POTEB3: variants seen among roughly 807,000 people sequenced by gnomAD.
POTEB3 encodes ANKRD26-like family B member 1.
In POTEB3, 5 loss-of-function variants were observed where a neutral mutation model predicts 39.8. The observed-to-expected ratio is 0.13, with a 90% CI of 0.07 to 0.26. The LOEUF is 0.26. POTEB3 is among the 10% of genes least tolerant of loss of function. The pLI, the probability that POTEB3 is intolerant of heterozygous loss-of-function variation, is 1.00. For missense variants in POTEB3, 24 were observed against 475.6 expected (o/e 0.05, Z 8.83); for synonymous variants, 5 against 161.5 (o/e 0.03, Z 7.35).
chr15:21,419,424 G>A, intron 9 of POTEB3, 40 bp downstream of exon 9: 1 of 701,640 alleles, frequency 1.4e-6, no homozygotes, highest in Non-Finnish European at 1.9e-6. Flanking sequence ...CCCAAATTAG[G>A]ATTAGTTTGA....
intron 3 of POTEB3, among the ~76,000 whole-genome samples, chr15:21,433,555 T>C (rs1899061068): frequency 6.6e-6 from 1 of 150,648 alleles, no homozygotes; most frequent in Non-Finnish European, 1.5e-5. Flanking sequence ...TTCAGTCTCA[T>C]CTCTCATCAC....
At chr15:21,422,851 A>T (rs2141352582) in intron 6 of POTEB3, among the ~76,000 whole-genome samples, 1 of 151,054 alleles carries the variant, frequency 6.6e-6, no homozygotes, top group Non-Finnish European at 1.5e-5. Flanking sequence ...TGCTTCTATA[A>T]GTTTGCCTAT....
chr15:21,434,139 G>A (rs1447909069), intron 3 of POTEB3, among the ~76,000 whole-genome samples: 3 of 141,748 alleles, frequency 2.1e-5, no homozygotes, highest in African/African-American at 5.5e-5. Flanking sequence ...GTTGGCCTTG[G>A]TATTTCTGAT....
intron 5 of POTEB3, among the ~76,000 whole-genome samples, chr15:21,428,169 A>AT (rs1898803458): frequency 2.3e-5 from 3 of 132,062 alleles, no homozygotes; most frequent in South Asian, 2.3e-4. Flanking sequence ...ACAAGGTAAC[A>AT]TTTTTTAAAT....
At chr15:21,433,295 C>T (rs1258030166) in intron 3 of POTEB3, among the ~76,000 whole-genome samples, 1 of 150,716 alleles carries the variant, frequency 6.6e-6, no homozygotes, top group Non-Finnish European at 1.5e-5. Flanking sequence ...ATTATGTTGA[C>T]CAGGCTAGAG....
intron 3 of POTEB3, among the ~76,000 whole-genome samples, chr15:21,433,862 A>G (rs1289568743): frequency 1.3e-5 from 2 of 151,382 alleles, no homozygotes; most frequent in Non-Finnish European, 2.9e-5. Context: ...CCACTACATT[A>G]CCACATATTC....
At chr15:21,426,781 A>C (rs1252432079) in intron 6 of POTEB3, among the ~76,000 whole-genome samples, 2 of 112,824 alleles carry the variant, frequency 1.8e-5, no homozygotes, top group African/African-American at 7.7e-5. Flanking sequence ...GTGGCATACT[A>C]GTATTTTTGT....
At chr15:21,424,910 A>AT (rs1171394330) in intron 6 of POTEB3, 1 of 146,848 alleles carries the variant, frequency 6.8e-6, no homozygotes, top group Non-Finnish European at 1.5e-5. Context: ...AATGGCTTTT[A>AT]TTACAAAAAA....
chr15:21,419,941 A>C (rs1389420588), intron 8 of POTEB3, among the ~76,000 whole-genome samples: 1 of 120,438 alleles, frequency 8.3e-6, no homozygotes, highest in Non-Finnish European at 1.7e-5. Flanking sequence ...ACTCTTCAGA[A>C]TCTTATATAT....
intron 6 of POTEB3, among the ~76,000 whole-genome samples, chr15:21,422,821 A>G (rs1417270333): frequency 6.6e-6 from 1 of 151,436 alleles, no homozygotes; most frequent in Non-Finnish European, 1.5e-5. Context: ...CTGTCACTAT[A>G]TGATTAACTG....
chr15:21,417,141 G>A (rs4983986), intron 9 of POTEB3, among the ~76,000 whole-genome samples: 2 of 75,418 alleles, frequency 2.7e-5, no homozygotes, highest in Non-Finnish European at 2.3e-5. Context: ...GCCCTCCATT[G>A]GCTCAAATAT....
At chr15:21,422,597 C>A (rs3855644) in intron 6 of POTEB3, among the ~76,000 whole-genome samples, 3 of 124,976 alleles carry the variant, frequency 2.4e-5, no homozygotes, top group East Asian at 2.4e-4. Flanking sequence ...CAAGCAGGCC[C>A]AGGAAAGGTC....
chr15:21,412,852 AAT>A (rs57474950), intron 9 of POTEB3, among the ~76,000 whole-genome samples: 1 of 45,630 alleles, frequency 2.2e-5, no homozygotes, highest in Non-Finnish European at 3.6e-5. Flanking sequence ...AATAAAAATA[AAT>A]AAATAAATAA....
intron 8 of POTEB3, 113 bp from the exon 9 acceptor site, chr15:21,419,743 AT>A (rs1898460424): frequency 2.7e-6 from 1 of 373,466 alleles, no homozygotes; most frequent in African/African-American, 2.8e-5. Flanking sequence ...CATTAAAAAT[AT>A]TTCACACTTA....
chr15:21,433,291 T>C (rs11858117), intron 3 of POTEB3, among the ~76,000 whole-genome samples: 1 of 150,078 alleles, frequency 6.7e-6, no homozygotes, highest in African/African-American at 2.5e-5. Context: ...TCTCATTATG[T>C]TGACCAGGCT....
intron 9 of POTEB3, among the ~76,000 whole-genome samples, chr15:21,415,624 A>AT (rs1189848481): frequency 1.3e-4 from 7 of 53,110 alleles, no homozygotes; most frequent in African/African-American, 2.0e-4. Context: ...GAGAAAGGGG[A>AT]TTTTTTTTTC....
Position 21,405,638 on chromosome 15 carries a change from A to G in POTEB3, c.*3345T>C, listed in dbSNP as rs1898216792. Among the ~76,000 whole-genome samples, 1 of 87,576 alleles carries G rather than the reference A, an allele frequency of 1.1e-5. No homozygotes were observed. Among genetic ancestry groups the G allele is most frequent in the East Asian group, 3.3e-4 (1 of 3,022 alleles). 57.5% of individuals were successfully genotyped at this position (87,576 alleles called of 152,430 possible). ...TGGCTGGTGGTGGTCTTTTCTTTCC[A>G]TATTTAGTGCTTCCTTCAGGAGCTC... On this transcript the variant is annotated 3_prime_UTR_variant, in exon 11 of 11. Transcript: ENST00000611217.
chr15:21,425,016 G>A (rs1898627444), intron 6 of POTEB3: 1 of 148,182 alleles, frequency 6.7e-6, no homozygotes, highest in Non-Finnish European at 1.5e-5. Flanking sequence ...ACATTAAAAT[G>A]AGTAATGGGG....
chr15:21,437,756 AT>A (rs1229586531), intron 1 of POTEB3, among the ~76,000 whole-genome samples: 1 of 47,456 alleles, frequency 2.1e-5, no homozygotes, highest in African/African-American at 1.1e-4. Context: ...TTATTTATTT[AT>A]TTTTTTGAGA....
Sources: allele counts gnomAD v4.1 joint callset (sites outside exome capture counted in the v4.1 genomes callset), GRCh38; gene constraint gnomAD v4.1.1; transcripts MANE v1.5; gene names NCBI Gene and HGNC (gene_info 2026-07-23, HGNC 2026-07-21).